The following NME2 variants were observed in gnomAD, a reference collection of about 807,000 sequenced individuals.
NME2 encodes the protein NME/NM23 nucleoside diphosphate kinase 2.
In NME2, 18 loss-of-function variants were observed where a neutral mutation model predicts 17.8. The ratio of observed to expected loss-of-function variants is 1.01; its 90% CI spans 0.70 to 1.50. NME2 has a LOEUF of 1.50. Ranked by LOEUF, NME2 falls within the 40% of genes most tolerant of loss-of-function variation. The probability of loss-of-function intolerance (pLI) is 0.00; values close to 1 mark genes in which losing one functional copy is unlikely to be tolerated. For missense variants in NME2, 161 were observed against 195.6 expected, an observed-to-expected ratio of 0.82 and a Z score of 1.05; for synonymous variants, 74 against 71.4, an observed-to-expected ratio of 1.04 and a Z score of -0.19.
chr17:51,167,000 G>T (rs1298594407), intron 2 of NME2, 44 bp downstream of exon 2: 1 of 1,609,752 alleles, frequency 6.2e-7, no homozygotes, highest in African/African-American at 1.3e-5. Flanking sequence ...GCCGGCTCGC[G>T]GGTGTTTTTC....
At position 51,168,230 on chromosome 17, in the gene NME2, C is replaced by G. The variant is rs775423347; in HGVS notation, c.127-12C>G. 1 of 1,613,460 alleles carries G rather than the reference C, an allele frequency of 6.2e-7. No homozygotes were observed. Among genetic ancestry groups the G allele is most frequent in the African/African-American group, 1.3e-5 (1 of 74,984 alleles). On this transcript the variant is annotated splice_polypyrimidine_tract_variant and intron_variant, in intron 2 of 4. Transcript: ENST00000512737. ...GCTTAGCTCCTAACTGGTGCCTCCT[C>G]TCCAATGCCAGGCCTCTGAAGAACA...
chr17:51,166,889 T>G lies in NME2; in HGVS notation c.59T>G (p.Leu20Arg). The change falls in exon 2 of 5, where the codon CTG (leucine) becomes CGG (arginine). Residue 20 changes from leucine to arginine, a missense_variant. Physicochemically the swap from Leu to Arg is moderately radical, Grantham distance 102. Coordinates refer to ENST00000512737, the MANE Select transcript of NME2 (RefSeq NM_002512.4). ...AAGCCGGACGGCGTGCAGCGCGGCC[T>G]GGTGGGCGAGATCATCAAGCGCTTC... is the stretch of plus-strand genomic sequence containing the variant. ...AIKPDGVQRG[L>R]VGEIIKRFEQ... The G allele has an allele frequency of 3.7e-6, 6 of 1,613,790 alleles. No individual in the cohort carries two copies. Among genetic ancestry groups the G allele is most frequent in the Non-Finnish European group, 5.1e-6 (6 of 1,179,838 alleles).
At chr17:51,165,812 A>C (rs2049924562), upstream of NME2, 1 of 152,424 alleles carries the variant, frequency 6.6e-6, no homozygotes, top group Non-Finnish European at 1.5e-5. Flanking sequence ...TCTGAACGCC[A>C]TCCTGTAGGC....
chr17:51,170,443 A>G (rs2050047923), intron 4 of NME2, among the ~76,000 whole-genome samples: 1 of 151,884 alleles, frequency 6.6e-6, no homozygotes, highest in Non-Finnish European at 1.5e-5. Flanking sequence ...CTTGGCCTGA[A>G]CTTTTAGTTG....
At chr17:51,171,290 A>T (rs1445688900) in intron 4 of NME2, among the ~76,000 whole-genome samples, 197 bp from the exon 5 acceptor site, 1 of 152,188 alleles carries the variant, frequency 6.6e-6, no homozygotes, top group African/African-American at 2.4e-5. Context: ...TACAGTTGAA[A>T]CAAGGAATGT....
At chr17:51,168,176 G>C in intron 2 of NME2, 66 bp from the exon 3 acceptor site, 3 of 1,526,898 alleles carry the variant, frequency 2.0e-6, no homozygotes, top group Non-Finnish European at 2.7e-6. Flanking sequence ...GCTAATGGGA[G>C]GTTCAGAGGA....
chr17:51,171,620 G>A lies in NME2; in HGVS notation c.*16G>A, dbSNP rs915715357. The A allele has an allele frequency of 2.5e-6, 4 of 1,591,910 alleles. No individual in the cohort carries two copies. The highest frequency in any genetic ancestry group is 3.4e-6 in the Non-Finnish European group (4 of 1,160,414). ...CTATGAATAAGAGGTGGACACAACA[G>A]CAGTCTCCTTCAGCACGGCGTGGTG... On this transcript the variant is annotated 3_prime_UTR_variant, in exon 5 of 5. Coordinates refer to ENST00000512737, the MANE Select transcript of NME2 (RefSeq NM_002512.4).
intron 3 of NME2, 150 bp downstream of exon 3, chr17:51,168,493 C>G: frequency 1.4e-6 from 1 of 719,492 alleles, no homozygotes; most frequent in Admixed American, 2.8e-5. Context: ...GAGGAGAAAG[C>G]AAATCAGACC....
In NME2 at chr17:51,168,342, T is replaced by A. The variant is rs1417394010; in HGVS notation, c.227T>A (p.Met76Lys). Residue 76 changes from methionine to lysine, a missense_variant and splice_region_variant, in exon 3 of 5, where the codon ATG (methionine) becomes AAG (lysine). Coordinates refer to ENST00000512737, the MANE Select transcript of NME2 (RefSeq NM_002512.4). ...ATGAACTCAGGGCCGGTTGTGGCCA[T>A]GGTGAGTGCTCGTGGGGAATGAGAG... The part of the protein sequence containing the change: ...KYMNSGPVVA[M>K]VWEGLNVVKT... 3 of 1,613,730 alleles carry A rather than the reference T, an allele frequency of 1.9e-6. No individual in the cohort carries two copies. In the African/African-American group the frequency reaches 4.0e-5, roughly 22 times the overall value.
At position 51,166,450 on chromosome 17, in the gene NME2, C is replaced by T. The variant is rs901886878; in HGVS notation, c.-52C>T. The T allele has an allele frequency of 6.4e-6, 1 of 156,820 alleles. No homozygotes were observed. Among genetic ancestry groups the T allele is most frequent in the Non-Finnish European group, 1.4e-5 (1 of 71,556 alleles). 9.7% of individuals were successfully genotyped at this position (156,820 alleles called of 1,614,324 possible). A position where few individuals can be genotyped will look rare whatever the true frequency, so the allele number is the denominator to read the frequency against. On this transcript the variant is annotated 5_prime_UTR_variant, in exon 1 of 5. Coordinates refer to ENST00000512737, the MANE Select transcript of NME2 (RefSeq NM_002512.4). ...CCCGGGTGTGGTGGTCGCACCAGCT[C>T]TCTGCTCTCCCAGCGCAGCGCCGCC...
chr17:51,168,347 A>G lies in NME2; in HGVS notation c.228+4A>G. The stretch of plus-strand genomic sequence containing the variant: ...CTCAGGGCCGGTTGTGGCCATGGTG[A>G]GTGCTCGTGGGGAATGAGAGAAAAT... On this transcript the variant is annotated splice_donor_region_variant and intron_variant, in intron 3 of 4. Transcript: ENST00000512737. 6.2e-7 allele frequency: 1 copy of G among 1,613,726 alleles called. No individual in the cohort carries two copies. The highest frequency in any genetic ancestry group is 1.1e-5 in the South Asian group (1 of 91,038).
Position 51,168,227 on chromosome 17 carries a change from C to T in NME2, c.127-15C>T, listed in dbSNP as rs964139926. ...CCAGCTTAGCTCCTAACTGGTGCCT[C>T]CTCTCCAATGCCAGGCCTCTGAAGA... On this transcript the variant is annotated splice_polypyrimidine_tract_variant and intron_variant, in intron 2 of 4. Transcript: ENST00000512737. 9 of 1,613,196 alleles carry T rather than the reference C, an allele frequency of 5.6e-6. No homozygotes were observed. The Admixed American group carries it at 1.3e-4, about 24-fold the overall frequency.
In NME2 at chr17:51,169,953, A is replaced by G; in HGVS notation, c.245A>G (p.Asn82Ser). 6.2e-7 allele frequency: 1 copy of G among 1,613,600 alleles called. No individual in the cohort carries two copies. Among genetic ancestry groups the G allele is most frequent in the African/African-American group, 1.3e-5 (1 of 74,996 alleles). Residue 82 changes from asparagine (N) to serine (S), a missense_variant, in exon 4 of 5, where the codon AAC becomes AGC. By Grantham distance (46) the Asn-to-Ser change is conservative. Transcript: ENST00000512737. ...PVVAMVWEGL[N>S]VVKTGRVMLG... ...ACTTTCGAGGTCTGGGAGGGGCTGA[A>G]CGTGGTGAAGACAGGCCGAGTGATG...
In NME2 at chr17:51,168,273, T is replaced by C. The variant is rs138302461; in HGVS notation, c.158T>C (p.Ile53Thr). Residue 53 changes from isoleucine to threonine, a missense_variant, in exon 3 of 5, where the codon ATT (isoleucine) becomes ACT (threonine). Transcript: ENST00000512737. ...ASEEHLKQHY[I>T]DLKDRPFFPG... is the part of the protein sequence containing the mutation. ...GAAGAACACCTGAAGCAGCACTACA[T>C]TGACCTGAAAGACCGACCATTCTTC... 157 of 1,613,938 alleles carry C rather than the reference T, an allele frequency of 9.7e-5. 1 individual carries two copies. The African/African-American group carries it at 1.7e-3, about 18-fold the overall frequency.
At position 51,168,353 on chromosome 17, in the gene NME2, C is replaced by T. The variant is rs768531530; in HGVS notation, c.228+10C>T. 1.2e-6 allele frequency: 2 copies of T among 1,612,716 alleles called. No individual in the cohort carries two copies. Among genetic ancestry groups the T allele is most frequent in the Non-Finnish European group, 8.5e-7 (1 of 1,179,418 alleles). The stretch of plus-strand genomic sequence containing the variant: ...GCCGGTTGTGGCCATGGTGAGTGCT[C>T]GTGGGGAATGAGAGAAAATGAGGAA... On this transcript the variant is annotated intron_variant, in intron 3 of 4. Coordinates refer to ENST00000512737, the MANE Select transcript of NME2 (RefSeq NM_002512.4).
Position 51,166,850 on chromosome 17 carries a change from C to A in NME2, c.20C>A (p.Thr7Asn), listed in dbSNP as rs1480468507. The A allele has an allele frequency of 3.1e-6, 5 of 1,613,312 alleles. No homozygotes were observed. The highest frequency in any genetic ancestry group is 4.2e-6 in the Non-Finnish European group (5 of 1,179,698). MANLER[T>N]FIAIKPDGVQ... ...AGGACCATGGCCAACCTGGAGCGCA[C>A]CTTCATCGCCATCAAGCCGGACGGC... Residue 7 changes from threonine (T) to asparagine (N), a missense_variant, in exon 2 of 5, where the codon ACC becomes AAC. Transcript: ENST00000512737.
In NME2 at chr17:51,168,358, G is replaced by A. The variant is rs767821036; in HGVS notation, c.228+15G>A. 2 of 1,612,162 alleles carry A rather than the reference G, an allele frequency of 1.2e-6. No homozygotes were observed. Among genetic ancestry groups the A allele is most frequent in the South Asian group, 2.2e-5 (2 of 90,794 alleles). On this transcript the variant is annotated intron_variant, in intron 3 of 4. Transcript: ENST00000512737. The stretch of plus-strand genomic sequence containing the variant: ...TTGTGGCCATGGTGAGTGCTCGTGG[G>A]GAATGAGAGAAAATGAGGAAAAAGT...
At chr17:51,166,568 GC>G (rs1410133153) in intron 1 of NME2, 71 bp downstream of exon 1, 16 of 252,508 alleles carry the variant, frequency 6.3e-5, no homozygotes, top group South Asian at 1.7e-4. Context: ...CCGCAGGTGG[GC>G]CCGGTCTGTG....
Position 51,166,514 on chromosome 17 carries a change from G to C in NME2, c.-5+17G>C, listed in dbSNP as rs2049940388. 1 of 182,768 alleles carries C rather than the reference G, an allele frequency of 5.5e-6. No homozygotes were observed. Among genetic ancestry groups the C allele is most frequent in the Non-Finnish European group, 1.1e-5 (1 of 89,160 alleles). 11.3% of individuals were successfully genotyped at this position (182,768 alleles called of 1,614,324 possible). A position where few individuals can be genotyped will look rare whatever the true frequency, so the allele number is the denominator to read the frequency against. On this transcript the variant is annotated intron_variant, in intron 1 of 4. Coordinates refer to ENST00000512737, the MANE Select transcript of NME2 (RefSeq NM_002512.4). Reference sequence around the variant, plus strand: ...AGCTTCCCGGTAAGGCGGTGGGGGCGCATCCCCTGGCGACTCCTCCCGTTC... The same window carrying C: ...AGCTTCCCGGTAAGGCGGTGGGGGCCCATCCCCTGGCGACTCCTCCCGTTC...
Sources: allele counts gnomAD v4.1 joint callset (sites outside exome capture counted in the v4.1 genomes callset), GRCh38; gene constraint gnomAD v4.1.1; transcripts MANE v1.5; gene names NCBI Gene and HGNC (gene_info 2026-07-23, HGNC 2026-07-21).